ANKRD31: variants seen among roughly 807,000 people sequenced by gnomAD.
ANKRD31 encodes the protein ankyrin repeat domain 31, also known as ankyrin repeat domain-containing protein 31.
Under a neutral mutation model 186.0 loss-of-function variants are expected in ANKRD31, and 147 were observed. That is an observed-to-expected ratio of 0.79 (90% confidence interval 0.69 to 0.91). The LOEUF (loss-of-function observed/expected upper bound fraction) is 0.91. ANKRD31 is among the 40% of genes least tolerant of loss of function. The pLI is 0.00. For missense variants in ANKRD31, 1,986 were observed against 2,148.8 expected (o/e 0.92, Z 1.50); for synonymous variants, 673 against 736.4 (o/e 0.91, Z 1.39).
intron 5 of ANKRD31, among the ~76,000 whole-genome samples, chr5:75,206,204 C>G (rs548395307): frequency 1.0e-5 from 1 of 99,284 alleles, no homozygotes; most frequent in African/African-American, 3.6e-5. Flanking sequence ...CATAGCAAGA[C>G]CACATCTCTA....
At chr5:75,172,295 G>A (rs1427620639) in intron 10 of ANKRD31, among the ~76,000 whole-genome samples, 1 of 150,516 alleles carries the variant, frequency 6.6e-6, no homozygotes, top group East Asian at 2.0e-4. Flanking sequence ...TGAAATAAGA[G>A]AGAAAAATTA....
chr5:75,131,284 C>T (rs1468800728), intron 17 of ANKRD31, among the ~76,000 whole-genome samples: 1 of 152,174 alleles, frequency 6.6e-6, no homozygotes, highest in Admixed American at 6.5e-5. Flanking sequence ...ATGCCGAGGC[C>T]GAGGAGGCAC....
At chr5:75,097,398 C>T (rs1314684187) in intron 22 of ANKRD31, among the ~76,000 whole-genome samples, 1 of 152,202 alleles carries the variant, frequency 6.6e-6, no homozygotes, top group African/African-American at 2.4e-5. Context: ...ATTTTCATTT[C>T]TCTGATGGCC....
intron 6 of ANKRD31, among the ~76,000 whole-genome samples, chr5:75,197,021 C>T (rs1755512810): frequency 6.6e-6 from 1 of 152,078 alleles, no homozygotes; most frequent in South Asian, 2.1e-4. Context: ...CTGCCTCAGC[C>T]TCTTGAGTAG....
intron 3 of ANKRD31, among the ~76,000 whole-genome samples, chr5:75,218,134 A>C (rs1757071577): frequency 6.6e-6 from 1 of 152,154 alleles, no homozygotes; most frequent in Admixed American, 6.6e-5. Context: ...AAAACCTTAC[A>C]AAAGATCAAC....
At chr5:75,203,243 A>G (rs978393892) in intron 5 of ANKRD31, among the ~76,000 whole-genome samples, 2 of 152,236 alleles carry the variant, frequency 1.3e-5, no homozygotes, top group Non-Finnish European at 2.9e-5. Context: ...CCAAATGGGC[A>G]GGAGGTTGGA....
intron 9 of ANKRD31, among the ~76,000 whole-genome samples, chr5:75,190,181 A>C (rs1184427888): frequency 6.6e-6 from 1 of 151,800 alleles, no homozygotes; most frequent in East Asian, 1.9e-4. Context: ...CACCATGCCC[A>C]GCTAATTTTT....
chr5:75,115,700 C>T (rs1315070841), intron 19 of ANKRD31, among the ~76,000 whole-genome samples: 2 of 151,918 alleles, frequency 1.3e-5, no homozygotes, highest in East Asian at 1.9e-4. Context: ...AAATCAAAAC[C>T]ACAATGAGAT....
Position 75,091,075 on chromosome 5 carries a change from G to C in ANKRD31, c.5472+186C>G, listed in dbSNP as rs186575260. Among the ~76,000 whole-genome samples the C allele has an allele frequency of 3.5e-3, 538 of 152,316 alleles. 5 individuals are homozygous for C. Among genetic ancestry groups the C allele is most frequent in the African/African-American group, 0.012 (519 of 41,578 alleles). On this transcript the variant is annotated intron_variant, in intron 23 of 25. Coordinates refer to ENST00000506364, the MANE Select transcript of ANKRD31 (RefSeq NM_001372053.1). ...ATTCTGGCAAATAGGACTTGTGGGA[G>C]AAAGTGATGTGTTCATTCTGTGACA...
At chr5:75,099,683 T>C (rs1015363814) in intron 22 of ANKRD31, among the ~76,000 whole-genome samples, 2 of 152,234 alleles carry the variant, frequency 1.3e-5, no homozygotes, top group African/African-American at 2.4e-5. Context: ...TCCAGGAATT[T>C]ATCCATTTCT....
intron 17 of ANKRD31, among the ~76,000 whole-genome samples, chr5:75,132,485 T>G (rs1328282990): frequency 6.6e-6 from 1 of 151,898 alleles, no homozygotes; most frequent in Non-Finnish European, 1.5e-5. Flanking sequence ...TAAAAAGAAA[T>G]GAACAAAGCC....
chr5:75,106,980 C>A (rs1312714747), intron 21 of ANKRD31, among the ~76,000 whole-genome samples: 1 of 151,136 alleles, frequency 6.6e-6, no homozygotes, highest in Non-Finnish European at 1.5e-5. Flanking sequence ...GTAGCTAAGC[C>A]TATTAAAAAC....
chr5:75,107,834 G>GC (rs1481311106), intron 20 of ANKRD31, among the ~76,000 whole-genome samples: 1 of 151,978 alleles, frequency 6.6e-6, no homozygotes, highest in African/African-American at 2.4e-5. Context: ...AAAACAGTAG[G>GC]CCAGCCTGAG....
chr5:75,204,278 A>C (rs555624303), intron 5 of ANKRD31, among the ~76,000 whole-genome samples: 51 of 152,270 alleles, frequency 3.3e-4, no homozygotes, highest in Non-Finnish European at 6.3e-4. Context: ...TTTAAGATTA[A>C]AGTAATTCTT....
At chr5:75,131,124 C>T (rs975407153) in intron 17 of ANKRD31, among the ~76,000 whole-genome samples, 1 of 152,160 alleles carries the variant, frequency 6.6e-6, no homozygotes. Flanking sequence ...GGCCCGTGAG[C>T]ACCACACGCA....
intron 22 of ANKRD31, among the ~76,000 whole-genome samples, chr5:75,102,428 A>C (rs1440044223): frequency 6.6e-6 from 1 of 152,198 alleles, no homozygotes; most frequent in Non-Finnish European, 1.5e-5. Context: ...CTCAAGCTCC[A>C]TGCTGGAAGA....
chr5:75,080,771 T>A, intron 24 of ANKRD31, 132 bp from the exon 25 acceptor site: 1 of 479,514 alleles, frequency 2.1e-6, no homozygotes, highest in Non-Finnish European at 3.6e-6. Flanking sequence ...AGAGATGATT[T>A]AAAAAATAAA....
intron 17 of ANKRD31, among the ~76,000 whole-genome samples, chr5:75,129,260 C>T (rs1334530355): frequency 6.6e-6 from 1 of 152,184 alleles, no homozygotes; most frequent in Non-Finnish European, 1.5e-5. Flanking sequence ...CTCAGTCATG[C>T]TTCCTGTATA....
chr5:75,152,634 T>C (rs541630434), intron 12 of ANKRD31, among the ~76,000 whole-genome samples: 9 of 152,044 alleles, frequency 5.9e-5, no homozygotes, highest in Non-Finnish European at 1.3e-4. Context: ...GGACTGACAA[T>C]ATTTATTCAA....
Sources: allele counts gnomAD v4.1 joint callset (sites outside exome capture counted in the v4.1 genomes callset), GRCh38; gene constraint gnomAD v4.1.1; transcripts MANE v1.5; gene names NCBI Gene and HGNC (gene_info 2026-07-23, HGNC 2026-07-21).